The following SUSD1 variants were observed in gnomAD, a reference collection of about 807,000 sequenced individuals.
The protein encoded by SUSD1 is sushi domain containing 1.
A neutral mutation model predicts 86.9 loss-of-function variants in SUSD1; 65 were observed. That is an observed-to-expected ratio of 0.75 (90% CI 0.61 to 0.92). The LOEUF (loss-of-function observed/expected upper bound fraction) is 0.92. SUSD1 is among the 40% of genes least tolerant of loss of function. SUSD1 has a pLI of 0.00. For missense variants in SUSD1, 850 were observed against 929.7 expected (o/e 0.91, Z 1.11); for synonymous variants, 346 against 350.0 (o/e 0.99, Z 0.13).
At chr9:112,147,170 G>A (rs1374998828) in intron 3 of SUSD1, among the ~76,000 whole-genome samples, 1 of 152,144 alleles carries the variant, frequency 6.6e-6, no homozygotes, top group Admixed American at 6.5e-5. Flanking sequence ...GAAATTAGCT[G>A]TCTGCTCGTC....
intron 6 of SUSD1, among the ~76,000 whole-genome samples, chr9:112,116,729 G>A (rs1483116936): frequency 6.6e-6 from 1 of 152,188 alleles, no homozygotes; most frequent in East Asian, 1.9e-4. Flanking sequence ...GCAGAACACT[G>A]GGAAACACTG....
At chr9:112,131,337 C>A (rs1439712220) in intron 5 of SUSD1, among the ~76,000 whole-genome samples, 1 of 152,204 alleles carries the variant, frequency 6.6e-6, no homozygotes, top group Non-Finnish European at 1.5e-5. Context: ...GGTTCGATGA[C>A]AACGCCTCCT....
chr9:112,169,809 G>A (rs1392028766), intron 1 of SUSD1, among the ~76,000 whole-genome samples: 1 of 151,826 alleles, frequency 6.6e-6, no homozygotes, highest in African/African-American at 2.4e-5. Flanking sequence ...TGAGTAGCTG[G>A]GATTACAGGT....
chr9:112,103,320 T>C (rs1205689616), intron 8 of SUSD1, among the ~76,000 whole-genome samples: 1 of 152,230 alleles, frequency 6.6e-6, no homozygotes, highest in Non-Finnish European at 1.5e-5. Context: ...GAGAGAGAAT[T>C]TGAAGACCTA....
intron 13 of SUSD1, among the ~76,000 whole-genome samples, chr9:112,061,840 G>A (rs1828741827): frequency 1.3e-5 from 2 of 150,206 alleles, no homozygotes; most frequent in South Asian, 2.1e-4. Context: ...TGATTTTACC[G>A]AAGGGTCAGC....
intron 12 of SUSD1, among the ~76,000 whole-genome samples, chr9:112,064,145 G>A (rs1273877800): frequency 6.6e-6 from 1 of 151,772 alleles, no homozygotes; most frequent in African/African-American, 2.4e-5. Context: ...TCACCTGCCT[G>A]AAGCCTGGTC....
In SUSD1 at chr9:112,058,526, T is replaced by C; in HGVS notation, c.2011A>G (p.Ile671Val). 3 of 1,614,172 alleles carry C rather than the reference T, an allele frequency of 1.9e-6. No homozygotes were observed. Among genetic ancestry groups the C allele is most frequent in the South Asian group, 1.1e-5 (1 of 91,088 alleles). The change falls in exon 14 of 17, where the codon ATA (isoleucine) becomes GTA (valine). Residue 671 changes from isoleucine to valine, a missense_variant. Physicochemically the swap from Ile to Val is conservative, Grantham distance 29. Coordinates refer to ENST00000374270, the MANE Select transcript of SUSD1 (RefSeq NM_022486.5). ...TCCCCATAGTACAGCCTGTCTCCTA[T>C]AGGTATCTCCATGGCATCATCTGGA... ...DVPDDAMEIPIGDRLYYGEYY... is the reference protein window; with the variant it reads ...DVPDDAMEIPVGDRLYYGEYY...
chr9:112,167,506 T>C (rs553045724), intron 1 of SUSD1, among the ~76,000 whole-genome samples: 4 of 152,318 alleles, frequency 2.6e-5, no homozygotes, highest in East Asian at 3.9e-4. Context: ...TATGAGACAA[T>C]TGACATGAAT....
At chr9:112,114,253 CAGGTTGGTCACCTGAAGT>C (rs1458082127) in intron 6 of SUSD1, among the ~76,000 whole-genome samples, 2 of 152,158 alleles carry the variant, frequency 1.3e-5, no homozygotes, top group East Asian at 3.9e-4. Context: ...GAGGCCAAGG[CAGGTTGGTCACCTGAAGT>C]CAGGAGTTCA....
At chr9:112,145,497 G>A (rs1484566617) in intron 3 of SUSD1, among the ~76,000 whole-genome samples, 1 of 152,088 alleles carries the variant, frequency 6.6e-6, no homozygotes, top group African/African-American at 2.4e-5. Flanking sequence ...GGCCAGGCTG[G>A]TCTCGAACTC....
chr9:112,138,458 A>G (rs1832411389), intron 5 of SUSD1, among the ~76,000 whole-genome samples: 1 of 149,424 alleles, frequency 6.7e-6, no homozygotes, highest in African/African-American at 2.5e-5. Context: ...ATGTCAATAA[A>G]TATTCTTTTT....
intron 1 of SUSD1, among the ~76,000 whole-genome samples, chr9:112,159,043 G>T (rs141128463): frequency 1.3e-5 from 2 of 151,820 alleles, no homozygotes; most frequent in African/African-American, 4.8e-5. Context: ...TAAGATGACA[G>T]TGATATAACA....
chr9:112,135,187 C>A (rs1396569223), intron 5 of SUSD1, among the ~76,000 whole-genome samples: 1 of 152,126 alleles, frequency 6.6e-6, no homozygotes, highest in Non-Finnish European at 1.5e-5. Flanking sequence ...CATTAGTACC[C>A]AAAAGTCTAC....
rs758314669 is a variant in SUSD1, at chr9:112,063,014, T to G, written c.1773A>C (p.Val591=). ...TQITEPPLPE[V]EFFTVHRGPL... ...GTCCTCTGTGCACCGTAAAAAATTC[T>G]ACTTCCGGGAGGGGAGGCTCTGAAA... Residue 591 remains valine (V), a synonymous_variant, in exon 13 of 17, where the codon GTA becomes GTC. Transcript: ENST00000374270. The G allele has an allele frequency of 6.2e-7, 1 of 1,613,180 alleles. No individual in the cohort carries two copies. Among genetic ancestry groups the G allele is most frequent in the South Asian group, 1.1e-5 (1 of 91,050 alleles).
chr9:112,155,921 G>A (rs946212415), intron 2 of SUSD1, among the ~76,000 whole-genome samples: 6 of 147,596 alleles, frequency 4.1e-5, no homozygotes, highest in Admixed American at 3.4e-4. Context: ...AAGAGGAGGA[G>A]GAAGAAGAAG....
intron 15 of SUSD1, among the ~76,000 whole-genome samples, chr9:112,045,088 T>A (rs1422747025): frequency 6.6e-6 from 1 of 152,278 alleles, no homozygotes; most frequent in Non-Finnish European, 1.5e-5. Flanking sequence ...TCTTTGTGCA[T>A]GACTCAGAAA....
chr9:112,075,903 A>G (rs1829494695), intron 12 of SUSD1, among the ~76,000 whole-genome samples: 1 of 152,188 alleles, frequency 6.6e-6, no homozygotes, highest in African/African-American at 2.4e-5. Flanking sequence ...TGTCCCAGGA[A>G]GTGTGAACTG....
chr9:112,118,783 C>T (rs1831434743), intron 6 of SUSD1, among the ~76,000 whole-genome samples: 1 of 152,132 alleles, frequency 6.6e-6, no homozygotes, highest in Non-Finnish European at 1.5e-5. Context: ...CCGCGCCCAG[C>T]CAGGAATACA....
chr9:112,045,296 T>C lies in SUSD1; in HGVS notation c.2150-3336A>G, dbSNP rs148411239. ...TCTGTGTATTTTTTCCTCTACACTT[T>C]AACCCTCTGTATATTTTAATCACTG... On this transcript the variant is annotated intron_variant, in intron 15 of 16. Transcript: ENST00000374270. Among the ~76,000 whole-genome samples, 845 of 152,320 alleles carry C rather than the reference T, an allele frequency of 5.5e-3. 10 individuals carry two copies. Among genetic ancestry groups the C allele is most frequent in the African/African-American group, 0.019 (809 of 41,546 alleles).
Sources: gnomAD v4.1 joint callset for allele counts (sites outside exome capture counted in the v4.1 genomes callset) on GRCh38, gnomAD v4.1.1 for gene constraint, MANE v1.5 for transcripts, NCBI Gene and HGNC (gene_info 2026-07-23, HGNC 2026-07-21) for gene names.